CALD1: variants seen among roughly 807,000 people sequenced by gnomAD.
CALD1 encodes the protein caldesmon.
CALD1 carries 33 observed loss-of-function variants against 99.9 expected under a neutral mutation model. The ratio of observed to expected loss-of-function variants is 0.33; its 90% CI spans 0.25 to 0.44. CALD1 has a LOEUF of 0.44. Among genes scored for constraint, CALD1 ranks in the 20% least tolerant of loss-of-function variants. CALD1 has a pLI of 1.00. For synonymous variants in CALD1, 310 were observed against 325.0 expected (o/e 0.95, Z 0.50); for missense variants, 861 against 962.1 (o/e 0.89, Z 1.39).
chr7:134,808,844 A>G (rs887870522), intron 1 of CALD1, among the ~76,000 whole-genome samples: 1 of 152,218 alleles, frequency 6.6e-6, no homozygotes, highest in African/African-American at 2.4e-5. Flanking sequence ...GGTGCAGATT[A>G]GAATTAATTT....
At chr7:134,907,563 A>C (rs1803484779) in intron 3 of CALD1, among the ~76,000 whole-genome samples, 1 of 152,244 alleles carries the variant, frequency 6.6e-6, no homozygotes, top group Non-Finnish European at 1.5e-5. Context: ...GCCTGGAAGC[A>C]TGCAAGTAAA....
chr7:134,838,968 T>C (rs1048001904), intron 1 of CALD1, among the ~76,000 whole-genome samples: 3 of 152,184 alleles, frequency 2.0e-5, no homozygotes, highest in South Asian at 2.1e-4. Flanking sequence ...CAATTTATAA[T>C]TGTACAGAGT....
At chr7:134,967,975 G>C (rs959980077) in intron 14 of CALD1, among the ~76,000 whole-genome samples, 2 of 151,894 alleles carry the variant, frequency 1.3e-5, no homozygotes, top group African/African-American at 4.8e-5. Flanking sequence ...GGGAAACCCC[G>C]TCTCTACCAA....
At chr7:134,909,728 G>A (rs1803663696) in intron 3 of CALD1, among the ~76,000 whole-genome samples, 1 of 152,144 alleles carries the variant, frequency 6.6e-6, no homozygotes, top group Non-Finnish European at 1.5e-5. Flanking sequence ...TGCAGACTGA[G>A]CTGGGAATAT....
intron 1 of CALD1, among the ~76,000 whole-genome samples, chr7:134,767,316 A>G (rs376254138): frequency 6.6e-5 from 10 of 152,018 alleles, no homozygotes; most frequent in African/African-American, 2.2e-4. Flanking sequence ...CCAAACAGCC[A>G]TTTCTCCCCA....
chr7:134,875,871 T>C (rs908873926), intron 3 of CALD1, among the ~76,000 whole-genome samples: 1 of 152,194 alleles, frequency 6.6e-6, no homozygotes, highest in African/African-American at 2.4e-5. Context: ...AGCAGAAAAA[T>C]AGAAACAGAG....
the CALD1 span, among the ~76,000 whole-genome samples, chr7:134,711,910 C>T: frequency 3.3e-5 from 5 of 150,806 alleles, no homozygotes; most frequent in East Asian, 1.9e-4. Context: ...TCACTGGACA[C>T]GTTCAGAGCA....
At chr7:134,752,326 C>T (rs983620) in intron 1 of CALD1, among the ~76,000 whole-genome samples, 64,351 of 152,016 alleles carry the variant, frequency 0.42, 14,637 homozygotes, top group East Asian at 0.72. Context: ...AAATAATTTC[C>T]AAATTAATTA....
At chr7:134,742,329 T>C (rs748748398), upstream of CALD1, among the ~76,000 whole-genome samples, 3 of 152,156 alleles carry the variant, frequency 2.0e-5, no homozygotes, top group Non-Finnish European at 4.4e-5. Flanking sequence ...TGGAAATAAA[T>C]GTCTATTAGT....
intron 3 of CALD1, among the ~76,000 whole-genome samples, chr7:134,899,132 CTTTTGT>C: frequency 6.6e-6 from 1 of 152,018 alleles, no homozygotes; most frequent in East Asian, 1.9e-4. Flanking sequence ...TTCACTTTTC[CTTTTGT>C]AACTATCCTA....
intron 1 of CALD1, among the ~76,000 whole-genome samples, chr7:134,823,584 T>C (rs533440351): frequency 6.6e-6 from 1 of 152,272 alleles, no homozygotes; most frequent in East Asian, 1.9e-4. Flanking sequence ...GCTTTTAAAA[T>C]CCTGTGGAAT....
At chr7:134,837,979 T>C (rs1298997778) in intron 1 of CALD1, among the ~76,000 whole-genome samples, 1 of 152,208 alleles carries the variant, frequency 6.6e-6, no homozygotes, top group Admixed American at 6.5e-5. Context: ...TCAATCCAAC[T>C]GAATGATTTA....
chr7:134,838,422 T>C (rs913907000), intron 1 of CALD1, among the ~76,000 whole-genome samples: 1 of 152,126 alleles, frequency 6.6e-6, no homozygotes, highest in African/African-American at 2.4e-5. Context: ...AAGAAATAAT[T>C]TGGGGAAGGT....
chr7:134,857,210 C>T (rs1408692192), intron 2 of CALD1, among the ~76,000 whole-genome samples: 3 of 143,944 alleles, frequency 2.1e-5, no homozygotes, highest in Non-Finnish European at 4.5e-5. Context: ...GCTCTGTCAC[C>T]CAGGCTGGAG....
At chr7:134,943,280 C>A (rs1239933405) in intron 7 of CALD1, among the ~76,000 whole-genome samples, 2 of 150,422 alleles carry the variant, frequency 1.3e-5, no homozygotes, top group African/African-American at 2.5e-5. Flanking sequence ...CCTAAGGAAG[C>A]CAAGGACGGG....
intron 2 of CALD1, among the ~76,000 whole-genome samples, chr7:134,857,094 G>C (rs970232069): frequency 6.6e-6 from 1 of 151,378 alleles, no homozygotes; most frequent in African/African-American, 2.4e-5. Flanking sequence ...AATACAACAT[G>C]GGTATCAGTA....
At chr7:134,808,373 G>T (rs1798231461) in intron 1 of CALD1, among the ~76,000 whole-genome samples, 1 of 152,124 alleles carries the variant, frequency 6.6e-6, no homozygotes. Flanking sequence ...CTGCCAAAGT[G>T]CTGAGATTAC....
chr7:134,910,682 A>C (rs1274242461), intron 3 of CALD1, among the ~76,000 whole-genome samples: 1 of 152,168 alleles, frequency 6.6e-6, no homozygotes, highest in Non-Finnish European at 1.5e-5. Flanking sequence ...CTCTTGAAGC[A>C]GGCCAAAGTC....
chr7:134,834,919 A>G (rs897087193), intron 1 of CALD1, among the ~76,000 whole-genome samples: 1 of 152,220 alleles, frequency 6.6e-6, no homozygotes, highest in Non-Finnish European at 1.5e-5. Flanking sequence ...TCCCCTGTGC[A>G]TTGTTATTTT....
Sources: gnomAD v4.1 joint callset for allele counts (sites outside exome capture counted in the v4.1 genomes callset) on GRCh38, gnomAD v4.1.1 for gene constraint, MANE v1.5 for transcripts, NCBI Gene and HGNC (gene_info 2026-07-23, HGNC 2026-07-21) for gene names.